The following TOPAZ1 variants were observed in gnomAD, a reference collection of about 807,000 sequenced individuals.
TOPAZ1 encodes protein TOPAZ1.
TOPAZ1 carries 66 observed loss-of-function variants against 172.2 expected under a neutral mutation model. The ratio of observed to expected loss-of-function variants is 0.38; its 90% CI spans 0.31 to 0.47. The LOEUF (loss-of-function observed/expected upper bound fraction) is 0.47. Among genes scored for constraint, TOPAZ1 ranks in the 20% least tolerant of loss-of-function variants. The pLI is 0.99. For missense variants in TOPAZ1, 1,822 were observed against 1,972.4 expected (o/e 0.92, Z 1.44); for synonymous variants, 681 against 683.9 (o/e 1.00, Z 0.07).
intron 19 of TOPAZ1, among the ~76,000 whole-genome samples, chr3:44,331,292 T>C (rs1435869076): frequency 6.6e-6 from 1 of 151,370 alleles, no homozygotes; most frequent in African/African-American, 2.4e-5. Context: ...TTTGTCAAAT[T>C]TATTTTTTAT....
At chr3:44,331,507 G>A (rs531203725) in intron 19 of TOPAZ1, among the ~76,000 whole-genome samples, 2 of 152,158 alleles carry the variant, frequency 1.3e-5, no homozygotes, top group East Asian at 3.9e-4. Flanking sequence ...TAAATTTTTT[G>A]TAGAGATGAA....
chr3:44,303,030 A>G (rs1319795692), intron 12 of TOPAZ1, among the ~76,000 whole-genome samples: 1 of 152,050 alleles, frequency 6.6e-6, no homozygotes, highest in Non-Finnish European at 1.5e-5. Flanking sequence ...GGTAGGATTC[A>G]CCATATTAAC....
chr3:44,293,548 T>C lies in TOPAZ1; in HGVS notation c.3797+2662T>C, dbSNP rs537828796. 4.7e-3 allele frequency among the ~76,000 whole-genome samples: 710 copies of C among 152,246 alleles called. 4 individuals carry two copies. Among genetic ancestry groups the C allele is most frequent in the Non-Finnish European group, 8.1e-3 (550 of 68,006 alleles). On this transcript the variant is annotated intron_variant, in intron 12 of 19. Coordinates refer to ENST00000309765, the MANE Select transcript of TOPAZ1 (RefSeq NM_001145030.2). ...AGTTTACAAAGTAAAAAGATAAAAA[T>C]AAAAATTTTCAAAAATAGAAAAAAG...
intron 13 of TOPAZ1, 64 bp downstream of exon 13, chr3:44,304,145 G>A (rs1700308347): frequency 1.0e-6 from 1 of 994,640 alleles, no homozygotes. Flanking sequence ...AACAAAAAAG[G>A]TTTGAATAAT....
chr3:44,302,288 T>C (rs2125698782), intron 12 of TOPAZ1, among the ~76,000 whole-genome samples: 1 of 152,136 alleles, frequency 6.6e-6, no homozygotes, highest in Middle Eastern at 3.4e-3. Context: ...CGGGCACCTG[T>C]AGTCCCAGCT....
intron 17 of TOPAZ1, 59 bp from the exon 18 acceptor site, chr3:44,323,029 GAGAT>G: frequency 8.9e-7 from 1 of 1,126,418 alleles, no homozygotes; most frequent in Non-Finnish European, 1.2e-6. Context: ...AAAGGAGTAT[GAGAT>G]GGAGGTTTGA....
At chr3:44,266,947 A>G (rs1311060586) in intron 5 of TOPAZ1, 50 bp from the exon 6 acceptor site, 6 of 1,331,580 alleles carry the variant, frequency 4.5e-6, no homozygotes, top group Middle Eastern at 3.7e-4. Context: ...CATTACTTTA[A>G]TGTTTAAAAA....
chr3:44,252,165 A>G (rs553030146), intron 2 of TOPAZ1, among the ~76,000 whole-genome samples: 39 of 152,304 alleles, frequency 2.6e-4, no homozygotes, highest in African/African-American at 9.1e-4. Context: ...AAGCTAATAT[A>G]CTTGTTGTAC....
At chr3:44,332,589 T>C (rs865858229), downstream of TOPAZ1, among the ~76,000 whole-genome samples, 5 of 152,116 alleles carry the variant, frequency 3.3e-5, no homozygotes, top group Non-Finnish European at 7.4e-5. Flanking sequence ...GACACAAATA[T>C]ACCCAAAACT....
chr3:44,330,842 G>A (rs897146676), intron 19 of TOPAZ1, among the ~76,000 whole-genome samples: 9 of 152,224 alleles, frequency 5.9e-5, no homozygotes, highest in African/African-American at 2.2e-4. Context: ...ATGCAGGTCA[G>A]TGCAGTCACA....
At chr3:44,260,503 A>T (rs894018716) in intron 4 of TOPAZ1, among the ~76,000 whole-genome samples, 2 of 152,012 alleles carry the variant, frequency 1.3e-5, no homozygotes, top group Admixed American at 6.6e-5. Flanking sequence ...ATTTTCTCCC[A>T]TATTTTCTTT....
intron 9 of TOPAZ1, among the ~76,000 whole-genome samples, chr3:44,285,531 G>A (rs1700068394): frequency 6.6e-6 from 1 of 151,314 alleles, no homozygotes; most frequent in Non-Finnish European, 1.5e-5. Context: ...AAAATGTTCA[G>A]ACAGTTTCCA....
At chr3:44,245,343 A>G (rs1414182166) in intron 2 of TOPAZ1, 72 bp downstream of exon 2, 2 of 1,386,450 alleles carry the variant, frequency 1.4e-6, no homozygotes, top group Non-Finnish European at 1.9e-6. Context: ...AAGTTTCACT[A>G]ATGTATTCAG....
At position 44,327,660 on chromosome 3, in the gene TOPAZ1, T is replaced by A. The variant is rs1175933845; in HGVS notation, c.4676-590T>A. Among the ~76,000 whole-genome samples, 7 of 152,200 alleles carry A rather than the reference T, an allele frequency of 4.6e-5. No individual in the cohort carries two copies. The East Asian group carries it at 1.3e-3, about 29-fold the overall frequency. ...TATTCTGAAATTGTCTTGTGTTTACTGTGGCTTGAAATAAATGTCATTTGC... is the reference window on the plus strand; with the variant it reads ...TATTCTGAAATTGTCTTGTGTTTACAGTGGCTTGAAATAAATGTCATTTGC... On this transcript the variant is annotated intron_variant, in intron 18 of 19. Coordinates refer to ENST00000309765, the MANE Select transcript of TOPAZ1 (RefSeq NM_001145030.2).
chr3:44,332,327 A>G (rs1452967027), downstream of TOPAZ1, among the ~76,000 whole-genome samples: 1 of 152,162 alleles, frequency 6.6e-6, no homozygotes, highest in Non-Finnish European at 1.5e-5. Flanking sequence ...AAAATATGCA[A>G]GCAGGTAACT....
chr3:44,247,674 G>A (rs1699581427), intron 2 of TOPAZ1, among the ~76,000 whole-genome samples: 1 of 151,834 alleles, frequency 6.6e-6, no homozygotes, highest in African/African-American at 2.4e-5. Context: ...TTTTTGAGAG[G>A]GAGTCTTGCT....
intron 4 of TOPAZ1, among the ~76,000 whole-genome samples, chr3:44,259,527 A>T (rs1699752404): frequency 6.6e-6 from 1 of 152,162 alleles, no homozygotes; most frequent in Non-Finnish European, 1.5e-5. Context: ...AACAAGTCCC[A>T]CTATTGATGG....
chr3:44,271,377 T>C (rs1181096756), intron 8 of TOPAZ1, among the ~76,000 whole-genome samples: 2 of 152,164 alleles, frequency 1.3e-5, no homozygotes. Flanking sequence ...TCCCTGATGA[T>C]TGATGAAGTT....
intron 18 of TOPAZ1, among the ~76,000 whole-genome samples, chr3:44,326,067 G>T (rs1321120908): frequency 1.3e-5 from 2 of 152,180 alleles, no homozygotes; most frequent in East Asian, 1.9e-4. Flanking sequence ...TTCATTGGTT[G>T]ATGGACATTT....
Sources: gnomAD v4.1 joint callset for allele counts (sites outside exome capture counted in the v4.1 genomes callset) on GRCh38, gnomAD v4.1.1 for gene constraint, MANE v1.5 for transcripts, NCBI Gene and HGNC (gene_info 2026-07-23, HGNC 2026-07-21) for gene names.